Variants in L3MBTL4 observed in about 807,000 individuals in gnomAD.
L3MBTL4 encodes the protein lethal(3)malignant brain tumor-like protein 4.
Under a neutral mutation model 84.5 loss-of-function variants are expected in L3MBTL4, and 70 were observed. The observed-to-expected ratio is 0.83, with a 90% CI of 0.68 to 1.01. The LOEUF (loss-of-function observed/expected upper bound fraction) is 1.01. Among genes scored for constraint, L3MBTL4 ranks in the 50% least tolerant of loss-of-function variants. The pLI, the probability that L3MBTL4 is intolerant of heterozygous loss-of-function variation, is 0.00. For missense variants in L3MBTL4, 715 were observed against 754.8 expected (o/e 0.95, Z 0.62); for synonymous variants, 274 against 259.8 (o/e 1.05, Z -0.52).
chr18:6,404,594 G>A (rs1020919330), intron 1 of L3MBTL4, among the ~76,000 whole-genome samples: 7 of 152,122 alleles, frequency 4.6e-5, no homozygotes, highest in Admixed American at 2.6e-4. Context: ...CCTTCATTAC[G>A]GAAACCTTGA....
chr18:6,220,835 A>C (rs2046521581), intron 10 of L3MBTL4, among the ~76,000 whole-genome samples: 1 of 152,134 alleles, frequency 6.6e-6, no homozygotes, highest in Non-Finnish European at 1.5e-5. Flanking sequence ...CTAGCCCCAA[A>C]ATTCTGAATG....
intron 4 of L3MBTL4, among the ~76,000 whole-genome samples, chr18:6,289,087 G>T (rs1002021834): frequency 6.6e-6 from 1 of 152,042 alleles, no homozygotes; most frequent in African/African-American, 2.4e-5. Flanking sequence ...TAAAATGATT[G>T]GTTGTCCCAA....
chr18:6,265,748 A>C (rs2048602491), intron 4 of L3MBTL4, among the ~76,000 whole-genome samples: 1 of 152,066 alleles, frequency 6.6e-6, no homozygotes, highest in Admixed American at 6.5e-5. Flanking sequence ...TCTTATAGAC[A>C]TGCAATAAAA....
Position 6,331,344 on chromosome 18 carries a change from C to T in L3MBTL4, c.-90-19288G>A, listed in dbSNP as rs569655425. On this transcript the variant is annotated intron_variant, in intron 1 of 18. Transcript: ENST00000317931. Reference sequence around the variant, plus strand: ...CAAGAATCGCTGAGAGATCAGAGATCCAAGCTTGTACTAAACATAGGTGTG... The same window carrying T: ...CAAGAATCGCTGAGAGATCAGAGATTCAAGCTTGTACTAAACATAGGTGTG... Among the ~76,000 whole-genome samples the T allele has an allele frequency of 1.5e-4, 23 of 152,312 alleles. No homozygotes were observed. The South Asian group carries it at 3.9e-3, about 26-fold the overall frequency.
chr18:6,108,482 T>G (rs1222451409), intron 14 of L3MBTL4, among the ~76,000 whole-genome samples: 2 of 152,186 alleles, frequency 1.3e-5, no homozygotes, highest in Non-Finnish European at 2.9e-5. Flanking sequence ...ATACAATCTA[T>G]GAAGACTGGA....
At chr18:6,147,012 G>A (rs567366905) in intron 13 of L3MBTL4, among the ~76,000 whole-genome samples, 12 of 152,180 alleles carry the variant, frequency 7.9e-5, no homozygotes, top group South Asian at 2.1e-4. Flanking sequence ...CAGTAAGCTC[G>A]ACAGCTGAGC....
chr18:6,394,721 C>T (rs1411678277), intron 1 of L3MBTL4: 2 of 152,056 alleles, frequency 1.3e-5, no homozygotes, highest in Admixed American at 6.5e-5. Flanking sequence ...AATAATGCCA[C>T]TATAAATAAA....
At chr18:5,988,723 C>T (rs1244704626) in intron 16 of L3MBTL4, among the ~76,000 whole-genome samples, 2 of 152,072 alleles carry the variant, frequency 1.3e-5, no homozygotes, top group East Asian at 1.9e-4. Flanking sequence ...TATAGGTGGG[C>T]TAGATCAGGG....
intron 12 of L3MBTL4, among the ~76,000 whole-genome samples, chr18:6,185,546 C>T (rs55794990): frequency 2.0e-4 from 30 of 152,230 alleles, no homozygotes; most frequent in African/African-American, 7.2e-4. Context: ...GGCTCCTGTA[C>T]TGAGCTATCC....
At chr18:6,407,724 A>G (rs955379315) in intron 1 of L3MBTL4, among the ~76,000 whole-genome samples, 1 of 152,220 alleles carries the variant, frequency 6.6e-6, no homozygotes. Flanking sequence ...GTTGACACAA[A>G]ATCACTCATC....
intron 17 of L3MBTL4, among the ~76,000 whole-genome samples, chr18:5,962,440 A>G (rs1404296951): frequency 6.6e-6 from 1 of 152,198 alleles, no homozygotes; most frequent in Non-Finnish European, 1.5e-5. Context: ...GCTGAGGAGT[A>G]GACAGGGAGT....
In L3MBTL4 at chr18:6,328,396, T is replaced by G. The variant is rs1445162356; in HGVS notation, c.-90-16340A>C. ...GCTTATTGAGAAGGACAGACTATAC[T>G]CATTACAACAGATTTTCCAACAAAT... is the stretch of plus-strand genomic sequence containing the variant. On this transcript the variant is annotated intron_variant, in intron 1 of 18. Coordinates refer to ENST00000317931, the MANE Select transcript of L3MBTL4 (RefSeq NM_001330559.2). Among the ~76,000 whole-genome samples, 14 of 152,308 alleles carry G rather than the reference T, an allele frequency of 9.2e-5. 1 individual carries two copies. Among genetic ancestry groups the G allele is most frequent in the Admixed American group, 9.1e-4 (14 of 15,304 alleles).
chr18:5,972,163 G>A (rs1052051708), intron 16 of L3MBTL4, among the ~76,000 whole-genome samples: 2 of 152,174 alleles, frequency 1.3e-5, no homozygotes, highest in Non-Finnish European at 1.5e-5. Flanking sequence ...ATAAGGGCTT[G>A]TGTCTGTTTA....
chr18:6,049,315 A>T (rs2056757339), intron 16 of L3MBTL4, among the ~76,000 whole-genome samples: 2 of 152,098 alleles, frequency 1.3e-5, no homozygotes, highest in African/African-American at 2.4e-5. Flanking sequence ...ACAACCTACA[A>T]AATGGGAGAA....
rs74674806 is a variant in L3MBTL4, at chr18:6,365,987, C to T, written c.-91+48814G>A. On this transcript the variant is annotated intron_variant, in intron 1 of 18. Transcript: ENST00000317931. ...ATGCACCTCACAAGGGCACAGCAAA[C>T]AGGGTGCACTCTGTTAGGAGCACAG... Among the ~76,000 whole-genome samples the T allele has an allele frequency of 4.7e-3, 718 of 152,252 alleles. 6 individuals are homozygous for T. Among genetic ancestry groups the T allele is most frequent in the African/African-American group, 0.016 (658 of 41,548 alleles).
intron 8 of L3MBTL4, among the ~76,000 whole-genome samples, chr18:6,240,597 G>A (rs929005846): frequency 2.0e-5 from 3 of 152,052 alleles, no homozygotes; most frequent in African/African-American, 7.2e-5. Context: ...CAGTATCCGG[G>A]AACTGAAAGA....
intron 16 of L3MBTL4, among the ~76,000 whole-genome samples, chr18:6,027,257 C>A (rs577978433): frequency 5.3e-5 from 8 of 152,144 alleles, no homozygotes; most frequent in African/African-American, 1.7e-4. Flanking sequence ...CATTGTTCAA[C>A]TCCCACCTAT....
rs143731993 is a variant in L3MBTL4, at chr18:6,255,048, A to C, written c.219+8899T>G. ...TTGATAATTCACTGGCCATCACCGA[A>C]CTGATTCCACAAATCCTGAGTCTAG... On this transcript the variant is annotated intron_variant, in intron 5 of 18. Coordinates refer to ENST00000317931, the MANE Select transcript of L3MBTL4 (RefSeq NM_001330559.2). Among the ~76,000 whole-genome samples the C allele has an allele frequency of 2.5e-3, 375 of 152,380 alleles. 2 individuals are homozygous for C. Among genetic ancestry groups the C allele is most frequent in the African/African-American group, 8.6e-3 (356 of 41,594 alleles).
At chr18:6,141,059 C>T (rs1568188807) in intron 13 of L3MBTL4, among the ~76,000 whole-genome samples, 2 of 148,868 alleles carry the variant, frequency 1.3e-5, no homozygotes, top group South Asian at 2.1e-4. Flanking sequence ...TCACCTATTC[C>T]GCAAGCACTT....
Sources: allele counts gnomAD v4.1 joint callset (sites outside exome capture counted in the v4.1 genomes callset), GRCh38; gene constraint gnomAD v4.1.1; transcripts MANE v1.5; gene names NCBI Gene and HGNC (gene_info 2026-07-23, HGNC 2026-07-21).